Variants in TNFRSF13B observed in about 807,000 individuals in gnomAD.
TNFRSF13B encodes tumor necrosis factor receptor superfamily member 13B.
TNFRSF13B carries 34 observed loss-of-function variants against 24.0 expected under a neutral mutation model. The observed-to-expected ratio is 1.41, with a 90% CI of 1.08 to 1.88. The LOEUF (loss-of-function observed/expected upper bound fraction) is 1.88. TNFRSF13B is among the 40% of genes most tolerant of loss of function. TNFRSF13B has a pLI of 0.00. For synonymous variants in TNFRSF13B, 173 were observed against 150.3 expected, an observed-to-expected ratio of 1.15 and a Z score of -1.10; for missense variants, 415 against 380.8, an observed-to-expected ratio of 1.09 and a Z score of -0.75.
chr17:16,971,995 C>T lies in TNFRSF13B; in HGVS notation c.61+20G>A. 1 of 1,614,016 alleles carries T rather than the reference C, an allele frequency of 6.2e-7. No homozygotes were observed. The highest frequency in any genetic ancestry group is 1.1e-5 in the South Asian group (1 of 91,082). ...TCACACCTCCCACCTGCCCTCCTGC[C>T]CTCCTGCCCGGCTACTCACAGCGCT... On this transcript the variant is annotated intron_variant, in intron 1 of 4. Transcript: ENST00000261652.
chr17:16,967,409 A>G (rs1252017460), intron 1 of TNFRSF13B, among the ~76,000 whole-genome samples: 1 of 152,124 alleles, frequency 6.6e-6, no homozygotes, highest in Non-Finnish European at 1.5e-5. Context: ...AAAGGGGGAA[A>G]TTCTAATCAT....
At chr17:16,961,819 T>C (rs1451912980) in intron 1 of TNFRSF13B, among the ~76,000 whole-genome samples, 1 of 152,192 alleles carries the variant, frequency 6.6e-6, no homozygotes, top group East Asian at 1.9e-4. Context: ...TTATTTTCAG[T>C]CTAGAACATT....
intron 1 of TNFRSF13B, among the ~76,000 whole-genome samples, chr17:16,971,361 C>CAAAAACAAA (rs56234954): frequency 2.0e-4 from 30 of 150,924 alleles, no homozygotes; most frequent in African/African-American, 7.3e-4. Context: ...AAAACAAAAA[C>CAAAAACAAA]AAAAACAAAA....
chr17:16,940,292 G>T, intron 4 of TNFRSF13B, 34 bp downstream of exon 4: 2 of 1,612,050 alleles, frequency 1.2e-6, no homozygotes, highest in Non-Finnish European at 1.7e-6. Context: ...CCCAAGCAGC[G>T]AGAAGGGCGA....
At chr17:16,964,533 G>T (rs1303485580) in intron 1 of TNFRSF13B, among the ~76,000 whole-genome samples, 2 of 151,936 alleles carry the variant, frequency 1.3e-5, no homozygotes, top group Admixed American at 6.6e-5. Flanking sequence ...AGTAGATGAG[G>T]TTTCTCCATG....
chr17:16,943,337 C>G (rs1268578069), intron 3 of TNFRSF13B, among the ~76,000 whole-genome samples: 1 of 152,164 alleles, frequency 6.6e-6, no homozygotes, highest in African/African-American at 2.4e-5. Context: ...CAGCCACAAG[C>G]CCAGGAGGCC....
intron 1 of TNFRSF13B, among the ~76,000 whole-genome samples, chr17:16,955,782 C>G (rs1325538707): frequency 8.5e-5 from 13 of 152,150 alleles, no homozygotes; most frequent in Non-Finnish European, 1.5e-5. Context: ...CAGCCACTGT[C>G]TGAAGTCACT....
In TNFRSF13B at chr17:16,952,490, G is replaced by A. The variant is rs1294881198; in HGVS notation, c.155C>T (p.Thr52Ile). The change falls in exon 2 of 5, where the codon ACC (threonine) becomes ATC (isoleucine). Residue 52 changes from threonine to isoleucine, a missense_variant. By Grantham distance (89) the Thr-to-Ile change is moderately conservative (BLOSUM62 -1). Transcript: ENST00000261652. ...PLLGTCMSCK[T>I]ICNHQSQRTC... The stretch of plus-strand genomic sequence containing the variant: ...GCGCTGGCTCTGATGGTTGCAAATG[G>A]TTTTGCAGGACATGCAGGTACCCAG... 3.7e-6 allele frequency: 6 copies of A among 1,614,082 alleles called. No homozygotes were observed. Among genetic ancestry groups the A allele is most frequent in the South Asian group, 3.3e-5 (3 of 91,086 alleles).
intron 1 of TNFRSF13B, among the ~76,000 whole-genome samples, chr17:16,971,380 CAAAA>C (rs1328621652): frequency 3.6e-4 from 39 of 109,696 alleles, no homozygotes; most frequent in African/African-American, 1.1e-3. Context: ...AACAACAAAA[CAAAA>C]AAAAAGAAAG....
chr17:16,949,929 G>T (rs942640758), intron 2 of TNFRSF13B, among the ~76,000 whole-genome samples: 1 of 151,966 alleles, frequency 6.6e-6, no homozygotes, highest in African/African-American at 2.4e-5. Flanking sequence ...CAGGTGATCT[G>T]CCTGCCTCGG....
intron 1 of TNFRSF13B, among the ~76,000 whole-genome samples, chr17:16,969,205 A>G (rs2087726593): frequency 6.6e-6 from 1 of 152,264 alleles, no homozygotes; most frequent in South Asian, 2.1e-4. Context: ...GTATCTATCT[A>G]CTTAAGAGAA....
chr17:16,968,651 G>A (rs2087722096), intron 1 of TNFRSF13B, among the ~76,000 whole-genome samples: 1 of 152,194 alleles, frequency 6.6e-6, no homozygotes, highest in Non-Finnish European at 1.5e-5. Context: ...TTTGAGGCTA[G>A]GCAGTGACAC....
At chr17:16,944,444 G>T (rs1343602384) in intron 3 of TNFRSF13B, among the ~76,000 whole-genome samples, 2 of 152,174 alleles carry the variant, frequency 1.3e-5, no homozygotes, top group African/African-American at 4.8e-5. Flanking sequence ...CTCAGAGAGG[G>T]TCGGTAGCTT....
chr17:16,960,828 G>A (rs1332679426), intron 1 of TNFRSF13B, among the ~76,000 whole-genome samples: 2 of 152,084 alleles, frequency 1.3e-5, no homozygotes, highest in Non-Finnish European at 2.9e-5. Context: ...CACAGAATGG[G>A]AGAAAATATC....
chr17:16,940,028 C>G (rs571285474), intron 4 of TNFRSF13B: 58 of 963,052 alleles, frequency 6.0e-5, no homozygotes, highest in African/African-American at 3.6e-4. Context: ...GAGCCTGCCA[C>G]GCCCCCCAAG....
intron 4 of TNFRSF13B, 200 bp from the exon 5 acceptor site, chr17:16,939,997 C>T: frequency 1.0e-6 from 1 of 976,742 alleles, no homozygotes; most frequent in Non-Finnish European, 1.5e-6. Context: ...CAATTCTTGG[C>T]TCTCACTTCT....
At chr17:16,954,989 T>C (rs1433383701) in intron 1 of TNFRSF13B, among the ~76,000 whole-genome samples, 1 of 152,206 alleles carries the variant, frequency 6.6e-6, no homozygotes, top group Non-Finnish European at 1.5e-5. Context: ...CCTCCCTCCC[T>C]ACCCTGCAAC....
intron 1 of TNFRSF13B, among the ~76,000 whole-genome samples, chr17:16,957,844 A>G (rs2087635391): frequency 6.6e-6 from 1 of 152,226 alleles, no homozygotes; most frequent in South Asian, 2.1e-4. Flanking sequence ...GCCCTACAAG[A>G]AATCCTAAAG....
chr17:16,940,563 A>T, intron 3 of TNFRSF13B, 52 bp from the exon 4 acceptor site: 1 of 1,584,646 alleles, frequency 6.3e-7, no homozygotes, highest in Non-Finnish European at 8.6e-7. Context: ...TCTTCCCGTC[A>T]TTAGGCTCAA....
Sources: allele counts gnomAD v4.1 joint callset (sites outside exome capture counted in the v4.1 genomes callset), GRCh38; gene constraint gnomAD v4.1.1; transcripts MANE v1.5; gene names NCBI Gene and HGNC (gene_info 2026-07-23, HGNC 2026-07-21).